The following SYNPR variants were observed in gnomAD, a reference collection of about 807,000 sequenced individuals.
The protein encoded by SYNPR is synaptoporin.
SYNPR carries 23 observed loss-of-function variants against 32.9 expected under a neutral mutation model. That is an observed-to-expected ratio of 0.70 (90% CI 0.50 to 0.99). The LOEUF (loss-of-function observed/expected upper bound fraction) is 0.99. Among genes scored for constraint, SYNPR ranks in the 50% least tolerant of loss-of-function variants. The probability of loss-of-function intolerance (pLI) is 0.00; values close to 1 mark genes in which losing one functional copy is unlikely to be tolerated. For missense variants in SYNPR, 318 were observed against 349.3 expected (o/e 0.91, Z 0.71); for synonymous variants, 146 against 135.9 (o/e 1.07, Z -0.52).
At position 63,330,801 on chromosome 3, in the gene SYNPR, A is replaced by G. The variant is rs1020983792; in HGVS notation, c.84+52059A>G. Reference sequence around the variant, plus strand: ...GATTAAGTGACTTGTCCAAGGTTGTATAACTTGCAGTTGAAGAGCTAGCTA... The same window carrying G: ...GATTAAGTGACTTGTCCAAGGTTGTGTAACTTGCAGTTGAAGAGCTAGCTA... On this transcript the variant is annotated intron_variant, in intron 2 of 5. Coordinates refer to ENST00000478300, the MANE Select transcript of SYNPR (RefSeq NM_001130003.2). 3.3e-5 allele frequency among the ~76,000 whole-genome samples: 5 copies of G among 152,162 alleles called. No individual in the cohort carries two copies. The East Asian group carries it at 9.6e-4, about 29-fold the overall frequency.
chr3:63,593,047 A>G (rs1248567690), intron 4 of SYNPR, among the ~76,000 whole-genome samples: 1 of 152,086 alleles, frequency 6.6e-6, no homozygotes, highest in African/African-American at 2.4e-5. Flanking sequence ...CCACTATGTG[A>G]TAATTCCTAT....
intron 2 of SYNPR, among the ~76,000 whole-genome samples, chr3:63,310,048 T>C (rs1367900205): frequency 6.6e-6 from 1 of 151,840 alleles, no homozygotes; most frequent in Non-Finnish European, 1.5e-5. Flanking sequence ...AGATACCCCA[T>C]ACCCAGCTCA....
At chr3:63,529,489 T>C (rs966435830) in intron 3 of SYNPR, among the ~76,000 whole-genome samples, 1 of 152,156 alleles carries the variant, frequency 6.6e-6, no homozygotes, top group African/African-American at 2.4e-5. Flanking sequence ...TGGAACTAAA[T>C]GAAATCACAG....
intron 2 of SYNPR, among the ~76,000 whole-genome samples, chr3:63,418,373 C>G (rs1268198966): frequency 1.3e-5 from 2 of 152,158 alleles, no homozygotes; most frequent in Non-Finnish European, 2.9e-5. Context: ...CTAGGAAGTT[C>G]CAAACTGTCC....
chr3:63,249,520 A>G (rs1475166259), intron 1 of SYNPR, among the ~76,000 whole-genome samples: 1 of 152,150 alleles, frequency 6.6e-6, no homozygotes, highest in African/African-American at 2.4e-5. Flanking sequence ...AGGTATAAGA[A>G]TAATACAATG....
At chr3:63,340,277 T>C (rs1429505445) in intron 2 of SYNPR, among the ~76,000 whole-genome samples, 3 of 152,162 alleles carry the variant, frequency 2.0e-5, no homozygotes, top group Non-Finnish European at 2.9e-5. Flanking sequence ...TCAATGCACA[T>C]ATACAGGTTT....
chr3:63,569,102 ACT>A (rs1348545140), intron 4 of SYNPR, among the ~76,000 whole-genome samples: 9 of 152,214 alleles, frequency 5.9e-5, no homozygotes, highest in African/African-American at 1.7e-4. Flanking sequence ...GTATTATTTA[ACT>A]CTGTTTCCCT....
chr3:63,417,752 G>A (rs2088561303), intron 2 of SYNPR, among the ~76,000 whole-genome samples: 1 of 152,242 alleles, frequency 6.6e-6, no homozygotes. Flanking sequence ...TGAAGCCACA[G>A]CCTGAACTCT....
At chr3:63,486,682 C>T (rs748608787) in intron 3 of SYNPR, among the ~76,000 whole-genome samples, 4 of 152,184 alleles carry the variant, frequency 2.6e-5, no homozygotes, top group South Asian at 4.2e-4. Flanking sequence ...ATTGATCAAT[C>T]GATAGAGTAA....
At chr3:63,417,530 G>A (rs974268541) in intron 2 of SYNPR, among the ~76,000 whole-genome samples, 2 of 152,198 alleles carry the variant, frequency 1.3e-5, no homozygotes, top group South Asian at 2.1e-4. Flanking sequence ...CTCTGTGTGG[G>A]GGCTCCCACC....
chr3:63,583,346 C>T (rs1559542788), intron 4 of SYNPR, among the ~76,000 whole-genome samples: 2 of 152,082 alleles, frequency 1.3e-5, no homozygotes, highest in Admixed American at 1.3e-4. Context: ...ACAGGGGTTA[C>T]AATGGCTGAG....
intron 4 of SYNPR, among the ~76,000 whole-genome samples, chr3:63,603,305 T>C (rs977159304): frequency 2.6e-5 from 4 of 152,310 alleles, no homozygotes; most frequent in African/African-American, 9.6e-5. Flanking sequence ...ATAGTTTGAC[T>C]TCCTCTCTTC....
intron 4 of SYNPR, among the ~76,000 whole-genome samples, chr3:63,568,726 A>G (rs1311125972): frequency 6.6e-6 from 1 of 152,158 alleles, no homozygotes; most frequent in Non-Finnish European, 1.5e-5. Flanking sequence ...AAGGGGAGAG[A>G]AAAAGATAGA....
intron 4 of SYNPR, among the ~76,000 whole-genome samples, chr3:63,576,267 T>C (rs1428708544): frequency 6.6e-6 from 1 of 152,192 alleles, no homozygotes; most frequent in East Asian, 1.9e-4. Flanking sequence ...GTATTTAACA[T>C]ATTCTATTCC....
chr3:63,347,026 C>T (rs1329904841), intron 2 of SYNPR, among the ~76,000 whole-genome samples: 1 of 152,060 alleles, frequency 6.6e-6, no homozygotes, highest in Non-Finnish European at 1.5e-5. Flanking sequence ...CTTCAGTTTC[C>T]TCATCTGCAG....
chr3:63,511,275 T>C (rs1701695341), intron 3 of SYNPR, among the ~76,000 whole-genome samples: 1 of 152,076 alleles, frequency 6.6e-6, no homozygotes, highest in Admixed American at 6.6e-5. Context: ...GTAGGTAGTT[T>C]CTCTGTTTAA....
Position 63,589,452 on chromosome 3 carries a change from G to C in SYNPR, c.409-19673G>C, listed in dbSNP as rs1404964787. On this transcript the variant is annotated intron_variant, in intron 4 of 5. Coordinates refer to ENST00000478300, the MANE Select transcript of SYNPR (RefSeq NM_001130003.2). ...TGGCACCTGGTAGATTCTCAATAGA[G>C]ATTTGCTAAATAAATGAGTAAACCC... Among the ~76,000 whole-genome samples the C allele has an allele frequency of 2.0e-5, 3 of 152,164 alleles. No homozygotes were observed. The East Asian group carries it at 5.8e-4, about 30-fold the overall frequency.
rs902049574 is a variant in SYNPR at position 63,515,700 on chromosome 3, T to C, written c.209+34744T>C. Among the ~76,000 whole-genome samples the C allele has an allele frequency of 2.6e-5, 4 of 152,252 alleles. No individual in the cohort carries two copies. In the East Asian group the frequency reaches 7.7e-4, roughly 29 times the overall value. On this transcript the variant is annotated intron_variant, in intron 3 of 5. Transcript: ENST00000478300. ...TTTTTAATGACTCTGTTTTTATTAC[T>C]AAACCAACACAAAATTATTATAGAG...
At chr3:63,528,602 C>G (rs1280031921) in intron 3 of SYNPR, among the ~76,000 whole-genome samples, 1 of 151,996 alleles carries the variant, frequency 6.6e-6, no homozygotes, top group African/African-American at 2.4e-5. Flanking sequence ...TTCACACTTA[C>G]TATTCTTCCA....
Sources: gnomAD v4.1 joint callset for allele counts (sites outside exome capture counted in the v4.1 genomes callset) on GRCh38, gnomAD v4.1.1 for gene constraint, MANE v1.5 for transcripts, NCBI Gene and HGNC (gene_info 2026-07-23, HGNC 2026-07-21) for gene names.